ATP6V0A1: variants seen among roughly 807,000 people sequenced by gnomAD.
ATP6V0A1 encodes V-type proton ATPase 116 kDa subunit a 1.
A neutral mutation model predicts 105.4 loss-of-function variants in ATP6V0A1; 43 were observed. The ratio of observed to expected loss-of-function variants is 0.41; its 90% confidence interval spans 0.32 to 0.53. The LOEUF (loss-of-function observed/expected upper bound fraction) is 0.53, where lower values mean the gene tolerates loss of function less well. Ranked by LOEUF, ATP6V0A1 falls within the 20% of genes least tolerant of loss-of-function variation. The pLI, the probability that ATP6V0A1 is intolerant of heterozygous loss-of-function variation, is 0.30. For missense variants in ATP6V0A1, 676 were observed against 1,051.1 expected (o/e 0.64, Z 4.93); for synonymous variants, 362 against 372.8 (o/e 0.97, Z 0.33).
At chr17:42,492,824 T>C (rs756097764) in intron 11 of ATP6V0A1, among the ~76,000 whole-genome samples, 1 of 151,712 alleles carries the variant, frequency 6.6e-6, no homozygotes, top group Non-Finnish European at 1.5e-5. Flanking sequence ...GAGACCAGCC[T>C]GGCCAACATG....
chr17:42,459,355 C>T (rs1248750680), intron 1 of ATP6V0A1, among the ~76,000 whole-genome samples: 1 of 152,130 alleles, frequency 6.6e-6, no homozygotes, highest in African/African-American at 2.4e-5. Context: ...AGGTGAATAC[C>T]GTGGGAGGAG....
In ATP6V0A1 at chr17:42,485,032, T is replaced by C. The variant is rs554542969; in HGVS notation, c.810+1901T>C. 2.0e-5 allele frequency among the ~76,000 whole-genome samples: 3 copies of C among 152,140 alleles called. No individual in the cohort carries two copies. In the East Asian group the frequency reaches 5.8e-4, roughly 29 times the overall value. On this transcript the variant is annotated intron_variant, in intron 9 of 21. Transcript: ENST00000343619. ...ACCTGGCTAATTTTTGTATTTTTAG[T>C]AGAGATGGGGTTTTGCCATGTTGGC...
chr17:42,493,399 C>T (rs950821282), intron 11 of ATP6V0A1, among the ~76,000 whole-genome samples: 4 of 152,206 alleles, frequency 2.6e-5, no homozygotes, highest in African/African-American at 9.6e-5. Flanking sequence ...GAGAAGACAG[C>T]TGGCCTGCCC....
chr17:42,475,381 A>T (rs1404940257), intron 5 of ATP6V0A1, among the ~76,000 whole-genome samples: 1 of 152,232 alleles, frequency 6.6e-6, no homozygotes, highest in Non-Finnish European at 1.5e-5. Context: ...ATGTAGAGGC[A>T]TATTCACAAT....
rs1026083933 is a variant in ATP6V0A1, at chr17:42,514,520, G to A, written c.2420+60G>A. The stretch of plus-strand genomic sequence containing the variant: ...GGATGTGTCCTTAGCTGCGGTGAGA[G>A]GGCAGCTTTTCTCCCACACACAGCC... On this transcript the variant is annotated intron_variant, in intron 21 of 21. Coordinates refer to ENST00000343619, the MANE Select transcript of ATP6V0A1 (RefSeq NM_001130021.3). 6 of 1,466,536 alleles carry A rather than the reference G, an allele frequency of 4.1e-6. No homozygotes were observed. The African/African-American group carries it at 5.7e-5, about 14-fold the overall frequency. The allele number at this position is 1,466,536 out of a possible 1,614,324, so 90.8% of individuals were successfully genotyped here.
chr17:42,506,980 G>A (rs1408465422), intron 17 of ATP6V0A1, among the ~76,000 whole-genome samples: 1 of 152,046 alleles, frequency 6.6e-6, no homozygotes, highest in East Asian at 1.9e-4. Context: ...TTCCTTCTCT[G>A]ACCTTGGAAG....
intron 4 of ATP6V0A1, among the ~76,000 whole-genome samples, chr17:42,469,440 C>T (rs1225989362): frequency 6.6e-6 from 1 of 150,772 alleles, no homozygotes; most frequent in Non-Finnish European, 1.5e-5. Flanking sequence ...AAGCCATTCT[C>T]CTGCCTCAGC....
chr17:42,499,039 A>G lies in ATP6V0A1; in HGVS notation c.1676A>G (p.His559Arg), dbSNP rs1345430229. 13 of 1,586,280 alleles carry G rather than the reference A, an allele frequency of 8.2e-6. No individual in the cohort carries two copies. The highest frequency in any genetic ancestry group is 1.1e-5 in the Non-Finnish European group (13 of 1,156,266). The part of the protein sequence containing the change: ...LFGVSLSLFN[H>R]IYFKKPLNIY... ...GGAGTCAGCCTGAGTCTGTTCAACC[A>G]TATGTGAGTTGTTCCATTTCTGTCA... The change falls in exon 15 of 22, where the codon CAT (histidine) becomes CGT (arginine). Residue 559 changes from histidine to arginine, a missense_variant. Physicochemically the swap from His to Arg is conservative, Grantham distance 29. Coordinates refer to ENST00000343619, the MANE Select transcript of ATP6V0A1 (RefSeq NM_001130021.3).
At chr17:42,497,941 A>G (rs866301261) in intron 14 of ATP6V0A1, among the ~76,000 whole-genome samples, 51 of 147,720 alleles carry the variant, frequency 3.5e-4, no homozygotes, top group African/African-American at 1.1e-3. Flanking sequence ...CAAAAAAAAA[A>G]GAAAAAAAAA....
At position 42,521,325 on chromosome 17, in the gene ATP6V0A1, A is replaced by T; in HGVS notation, c.*205A>T. On this transcript the variant is annotated 3_prime_UTR_variant, in exon 22 of 22. Coordinates refer to ENST00000343619, the MANE Select transcript of ATP6V0A1 (RefSeq NM_001130021.3). This position sits in a 1 kb window ranked among gnomAD's most constrained non-coding sequence, Gnocchi z 4.8. ...GTAGTGTAGTGATTTTCTGGCTGTC[A>T]CTCATACTCACTGGGCACCAGCCTT... 1 of 393,514 alleles carries T rather than the reference A, an allele frequency of 2.5e-6. No homozygotes were observed. The allele number at this position is 393,514 out of a possible 1,614,324, so 24.4% of individuals were successfully genotyped here.
intron 7 of ATP6V0A1, 136 bp from the exon 8 acceptor site, chr17:42,480,531 C>A: frequency 3.1e-6 from 2 of 649,166 alleles, no homozygotes. Flanking sequence ...GGAGTGAGGG[C>A]AGTGGTTAAA....
intron 4 of ATP6V0A1, 96 bp from the exon 5 acceptor site, chr17:42,469,994 A>G (rs895338355): frequency 2.4e-6 from 3 of 1,229,970 alleles, no homozygotes; most frequent in Non-Finnish European, 2.2e-6. Context: ...TCTTTGAACT[A>G]TCGGCTTGGC....
intron 21 of ATP6V0A1, among the ~76,000 whole-genome samples, chr17:42,517,296 C>T (rs2092669316): frequency 6.6e-6 from 1 of 151,832 alleles, no homozygotes; most frequent in Admixed American, 6.6e-5. Context: ...ACAACAACAA[C>T]AACAACAACA....
At chr17:42,491,868 T>G (rs1382570448) in intron 11 of ATP6V0A1, among the ~76,000 whole-genome samples, 1 of 151,880 alleles carries the variant, frequency 6.6e-6, no homozygotes, top group East Asian at 1.9e-4. Context: ...CCACCCGCCT[T>G]GGCCTCCCAA....
intron 21 of ATP6V0A1, chr17:42,520,566 A>G: frequency 2.2e-6 from 1 of 456,916 alleles, no homozygotes; most frequent in South Asian, 1.5e-5. Flanking sequence ...AAAGCCTTCA[A>G]CATTCACTCC....
intron 15 of ATP6V0A1, among the ~76,000 whole-genome samples, chr17:42,499,343 C>T (rs1481667806): frequency 1.3e-5 from 2 of 151,846 alleles, no homozygotes; most frequent in Non-Finnish European, 2.9e-5. Context: ...TAGTGGCACG[C>T]GCCTATATTC....
intron 14 of ATP6V0A1, 41 bp downstream of exon 14, chr17:42,495,757 T>TA: frequency 6.8e-7 from 1 of 1,477,970 alleles, no homozygotes; most frequent in South Asian, 1.1e-5. Flanking sequence ...TCAAATTTTT[T>TA]AACACTAACC....
chr17:42,508,873 G>T (rs1185634368), intron 19 of ATP6V0A1, among the ~76,000 whole-genome samples: 1 of 152,140 alleles, frequency 6.6e-6, no homozygotes, highest in Non-Finnish European at 1.5e-5. Context: ...GTCTTCACTG[G>T]CATTCTTGAA....
At chr17:42,514,252 C>A in intron 20 of ATP6V0A1, 37 bp from the exon 21 acceptor site, 1 of 1,543,480 alleles carries the variant, frequency 6.5e-7, no homozygotes, top group Non-Finnish European at 8.7e-7. Flanking sequence ...CTGCCTCTTG[C>A]CAAACTGCAC....
Sources: gnomAD v4.1 joint callset for allele counts (sites outside exome capture counted in the v4.1 genomes callset) on GRCh38, gnomAD v4.1.1 for gene constraint, Gnocchi (gnomAD v3.1) non-coding constraint, MANE v1.5 for transcripts, NCBI Gene and HGNC (gene_info 2026-07-23, HGNC 2026-07-21) for gene names.